Variants in DYNLL1 observed in about 807,000 individuals in gnomAD.
The protein encoded by DYNLL1 is dynein light chain LC8-type 1, also known as dynein light chain 1, cytoplasmic.
DYNLL1 carries 3 observed loss-of-function variants against 10.1 expected under a neutral mutation model. That is an observed-to-expected ratio of 0.30 (90% CI 0.14 to 0.77). DYNLL1 has a LOEUF of 0.77. Among genes scored for constraint, DYNLL1 ranks in the 30% least tolerant of loss-of-function variants. The probability of loss-of-function intolerance (pLI) is 0.66; values close to 1 mark genes in which losing one functional copy is unlikely to be tolerated. For synonymous variants in DYNLL1, 46 were observed against 41.2 expected (o/e 1.12, Z -0.45); for missense variants, 47 against 111.7 (o/e 0.42, Z 2.61).
chr12:120,496,686 G>A, intron 2 of DYNLL1, 133 bp downstream of exon 2: 1 of 1,460,682 alleles, frequency 6.8e-7, no homozygotes, highest in East Asian at 2.3e-5. Flanking sequence ...CTTCCAGAAA[G>A]GACGCAGATG....
At chr12:120,477,297 G>A (rs975055432) in intron 1 of DYNLL1, among the ~76,000 whole-genome samples, 1 of 152,100 alleles carries the variant, frequency 6.6e-6, no homozygotes, top group Non-Finnish European at 1.5e-5. Context: ...TTATGTACAT[G>A]GCATCTGGGA....
At chr12:120,492,297 C>T (rs943791458), upstream of DYNLL1, among the ~76,000 whole-genome samples, 6 of 152,138 alleles carry the variant, frequency 3.9e-5, no homozygotes, top group African/African-American at 7.2e-5. The surrounding 1 kb of genome is among the most constrained non-coding windows in gnomAD (Gnocchi z 4.1). Context: ...CAACCTATAA[C>T]GAAGATGTGA....
At chr12:120,470,871 C>T (rs1362151412) in intron 1 of DYNLL1, among the ~76,000 whole-genome samples, 1 of 152,040 alleles carries the variant, frequency 6.6e-6, no homozygotes, top group Non-Finnish European at 1.5e-5. Context: ...ATGGGGAAAC[C>T]CCGTTTCTAC....
intron 1 of DYNLL1, among the ~76,000 whole-genome samples, chr12:120,472,976 G>A (rs1878681943): frequency 6.6e-6 from 1 of 152,120 alleles, no homozygotes. Flanking sequence ...TCTAGGCAGG[G>A]ACACCTTTTA....
At chr12:120,486,781 A>T (rs971844537) in intron 1 of DYNLL1, among the ~76,000 whole-genome samples, 1 of 152,012 alleles carries the variant, frequency 6.6e-6, no homozygotes, top group Non-Finnish European at 1.5e-5. Context: ...GTGCAAACAG[A>T]TGTTTAAAAT....
chr12:120,483,998 GACC>G (rs1260446347), intron 1 of DYNLL1, among the ~76,000 whole-genome samples: 3 of 151,658 alleles, frequency 2.0e-5, no homozygotes, highest in Non-Finnish European at 4.4e-5. Context: ...GGTCACCGGT[GACC>G]ACCACATTTG....
intron 1 of DYNLL1, among the ~76,000 whole-genome samples, chr12:120,472,072 G>GT (rs1224197914): frequency 6.6e-6 from 1 of 152,106 alleles, no homozygotes; most frequent in Non-Finnish European, 1.5e-5. Flanking sequence ...ATTAAGTCAT[G>GT]TTTTTAATAT....
At chr12:120,489,767 A>AC in intron 1 of DYNLL1, among the ~76,000 whole-genome samples, 1 of 151,398 alleles carries the variant, frequency 6.6e-6, no homozygotes, top group Non-Finnish European at 1.5e-5. Context: ...AATTTTTTTG[A>AC]GGTGGAGTCT....
chr12:120,485,759 T>C (rs573577684), intron 1 of DYNLL1, among the ~76,000 whole-genome samples: 41 of 149,382 alleles, frequency 2.7e-4, no homozygotes, highest in Admixed American at 1.8e-3. Context: ...TCGGATCCCT[T>C]GAGCCTGGGA....
chr12:120,492,814 G>T (rs564432843), upstream of DYNLL1, among the ~76,000 whole-genome samples: 1 of 152,134 alleles, frequency 6.6e-6, no homozygotes, highest in Non-Finnish European at 1.5e-5. This position sits in a 1 kb window ranked among gnomAD's most constrained non-coding sequence, Gnocchi z 4.1. Flanking sequence ...TGATGCTACA[G>T]AACCCCATAT....
chr12:120,488,178 G>C (rs549020672), intron 1 of DYNLL1: 1 of 152,092 alleles, frequency 6.6e-6, no homozygotes, highest in African/African-American at 2.4e-5. Flanking sequence ...GACTCCAAAG[G>C]TCTGGCTTCT....
intron 1 of DYNLL1, among the ~76,000 whole-genome samples, chr12:120,482,326 ATTT>A (rs11352199): frequency 6.8e-6 from 1 of 147,386 alleles, no homozygotes. Context: ...TGCCAAAACA[ATTT>A]TTTTTTTTTT....
intron 1 of DYNLL1, among the ~76,000 whole-genome samples, chr12:120,481,774 T>C (rs1878883923): frequency 6.6e-6 from 1 of 152,218 alleles, no homozygotes; most frequent in Non-Finnish European, 1.5e-5. Flanking sequence ...AAAGTTTCCA[T>C]CTCTAGTAAT....
At chr12:120,482,314 T>C (rs1037611) in intron 1 of DYNLL1, among the ~76,000 whole-genome samples, 40,888 of 142,390 alleles carry the variant, frequency 0.29, 6,619 homozygotes, top group Admixed American at 0.43. Context: ...AGGTACTAGA[T>C]TTGCCAAAAC....
At chr12:120,474,286 T>G (rs935201311) in intron 1 of DYNLL1, among the ~76,000 whole-genome samples, 2 of 151,726 alleles carry the variant, frequency 1.3e-5, no homozygotes, top group African/African-American at 2.4e-5. Flanking sequence ...GGCGACAGAG[T>G]GAGATCCTGT....
exon 1 of DYNLL1, chr12:120,469,916 G>A (rs377150635): frequency 1.1e-4 from 22 of 207,276 alleles, no homozygotes; most frequent in Middle Eastern, 3.5e-3. Context: ...GCGCTCGGCT[G>A]AGGCGCTGGA....
At chr12:120,470,263 A>C (rs1368090167) in intron 1 of DYNLL1, among the ~76,000 whole-genome samples, 2 of 152,074 alleles carry the variant, frequency 1.3e-5, no homozygotes, top group Non-Finnish European at 2.9e-5. Context: ...AGTGCATCCG[A>C]CTTGTGCTTT....
intron 1 of DYNLL1, among the ~76,000 whole-genome samples, chr12:120,470,269 G>A (rs138380989): frequency 6.4e-4 from 98 of 152,226 alleles, no homozygotes; most frequent in African/African-American, 2.2e-3. Context: ...TCCGACTTGT[G>A]CTTTTCATCC....
intron 1 of DYNLL1, among the ~76,000 whole-genome samples, chr12:120,487,960 TG>T: frequency 6.6e-6 from 1 of 152,250 alleles, no homozygotes; most frequent in East Asian, 1.9e-4. Context: ...GAGGGAGTAC[TG>T]GGAGAATCTC....
Sources: allele counts gnomAD v4.1 joint callset (sites outside exome capture counted in the v4.1 genomes callset), GRCh38; gene constraint gnomAD v4.1.1; non-coding constraint Gnocchi (gnomAD v3.1); transcripts MANE v1.5; gene names NCBI Gene and HGNC (gene_info 2026-07-23, HGNC 2026-07-21).